FZR1: variants seen among roughly 807,000 people sequenced by gnomAD.
The protein encoded by FZR1 is fizzy-related protein homolog.
Under a neutral mutation model 63.6 loss-of-function variants are expected in FZR1, and 11 were observed. That is an observed-to-expected ratio of 0.17 (90% CI 0.11 to 0.29). FZR1 has a LOEUF of 0.29. FZR1 is among the 10% of genes least tolerant of loss of function. The pLI, the probability that FZR1 is intolerant of heterozygous loss-of-function variation, is 1.00. For synonymous variants in FZR1, 328 were observed against 297.9 expected (o/e 1.10, Z -1.04); for missense variants, 440 against 687.5 (o/e 0.64, Z 4.03).
intron 1 of FZR1, among the ~76,000 whole-genome samples, chr19:3,507,212 A>G (rs1008667389): frequency 2.8e-5 from 3 of 109,010 alleles, no homozygotes; most frequent in Non-Finnish European, 5.3e-5. Flanking sequence ...CCAAAGCCTC[A>G]GACGAGCTAT....
At chr19:3,517,733 G>C (rs1231192764) in intron 1 of FZR1, among the ~76,000 whole-genome samples, 1 of 151,778 alleles carries the variant, frequency 6.6e-6, no homozygotes, top group Non-Finnish European at 1.5e-5. Flanking sequence ...AAAACTCCAG[G>C]GCGCTCCTGT....
intron 2 of FZR1, among the ~76,000 whole-genome samples, chr19:3,524,332 G>A (rs2083131688): frequency 6.6e-6 from 1 of 152,226 alleles, no homozygotes; most frequent in Non-Finnish European, 1.5e-5. Context: ...GCCAGGCCGG[G>A]GTGTGAACGG....
chr19:3,535,044 G>A lies in FZR1; in HGVS notation c.*208G>A, dbSNP rs534612487. ...GTATCTGGGGTGGGCACGTGGTCGG[G>A]GACCCTCAGCAGCAGGGGCTCTGTC... On this transcript the variant is annotated 3_prime_UTR_variant, in exon 14 of 14. Transcript: ENST00000441788. The A allele has an allele frequency of 2.3e-4, 136 of 595,476 alleles. No individual in the cohort carries two copies. Among genetic ancestry groups the A allele is most frequent in the Non-Finnish European group, 3.7e-4 (124 of 333,440 alleles). 36.9% of individuals were successfully genotyped at this position (595,476 alleles called of 1,614,324 possible). A position where few individuals can be genotyped will look rare whatever the true frequency, so the allele number is the denominator to read the frequency against.
intron 13 of FZR1, 63 bp from the exon 14 acceptor site, chr19:3,534,732 C>G: frequency 1.3e-6 from 2 of 1,485,600 alleles, no homozygotes; most frequent in Non-Finnish European, 1.9e-6. Flanking sequence ...CTTGGGGACC[C>G]TCCAGGCAGC....
At chr19:3,529,755 G>GGT (rs1568238093) in intron 7 of FZR1, among the ~76,000 whole-genome samples, 7 of 138,102 alleles carry the variant, frequency 5.1e-5, no homozygotes, top group African/African-American at 1.9e-4. Flanking sequence ...TGAGCGCATG[G>GGT]GAGCGCATGG....
chr19:3,530,884 C>T, intron 8 of FZR1, 27 bp downstream of exon 8: 12 of 1,572,942 alleles, frequency 7.6e-6, no homozygotes, highest in Non-Finnish European at 1.0e-5. Context: ...TGGCCCCCAC[C>T]TGGGAGATCT....
In FZR1 at chr19:3,516,634, T is replaced by C. The variant is rs2083060891; in HGVS notation, c.-34-6322T>C. 6.6e-6 allele frequency among the ~76,000 whole-genome samples: 1 copy of C among 151,986 alleles called. No individual in the cohort carries two copies. Among genetic ancestry groups the C allele is most frequent in the Non-Finnish European group, 1.5e-5 (1 of 67,976 alleles). On this transcript the variant is annotated intron_variant, in intron 1 of 13. Transcript: ENST00000441788. The surrounding 1 kb of genome is among the most constrained non-coding windows in gnomAD (Gnocchi z 6.0). ...GGCCCGGGATACAGGACCCTCCAGA[T>C]CTCGGAGGTGGGAAGACAGTCTGCA... is the stretch of plus-strand genomic sequence containing the variant.
Position 3,532,596 on chromosome 19 carries a change from C to G in FZR1, c.1188C>G (p.Ile396Met). The change falls in exon 11 of 14, where the codon ATC becomes ATG. Residue 396 changes from isoleucine to methionine, a missense_variant. This residue lies in a region of FZR1 where 208 missense variants were observed against 363.6 expected (regional missense o/e 0.57). Transcript: ENST00000441788. ...NTLTGQPLQC[I>M]DTGSQVCNLA... ...TGACAGGACAACCACTGCAGTGTAT[C>G]GACACGGGCTCCCAAGTGTGCAATC... 1.2e-6 allele frequency: 2 copies of G among 1,612,728 alleles called. No homozygotes were observed. Among genetic ancestry groups the G allele is most frequent in the Non-Finnish European group, 1.7e-6 (2 of 1,179,810 alleles).
Position 3,530,815 on chromosome 19 carries a change from A to G in FZR1, c.678A>G (p.Ser226=), listed in dbSNP as rs1285294692. 1 of 1,613,144 alleles carries G rather than the reference A, an allele frequency of 6.2e-7. No individual in the cohort carries two copies. The highest frequency in any genetic ancestry group is 1.7e-5 in the Admixed American group (1 of 59,970). ...TSQVTRLCDL[S]VEGDSVTSVG... is the part of the protein sequence containing the mutation. ...AGGTGACGCGGCTCTGTGACCTCTC[A>G]GTGGAAGGGGACTCAGTGACCTCCG... Residue 226 remains serine, a synonymous_variant, in exon 8 of 14, where the codon TCA becomes TCG. Transcript: ENST00000441788.
rs1230420022 is a variant in FZR1, at chr19:3,531,776, G to A, written c.783G>A (p.Gly261=). Residue 261 remains glycine (G), a synonymous_variant, in exon 9 of 14, where the codon GGG becomes GGA. Transcript: ENST00000441788. ...GFVQIWDAAA[G]KKLSMLEGHT... is the part of the protein sequence containing the mutation. ...TGCAGATCTGGGACGCAGCCGCAGG[G>A]AAGAAGCTGTCCATGTTGGAGGGCC... The A allele has an allele frequency of 8.4e-6, 13 of 1,550,162 alleles. No individual in the cohort carries two copies. The East Asian group carries it at 2.4e-4, about 29-fold the overall frequency.
chr19:3,532,381 T>C (rs1305248327), intron 10 of FZR1, 36 bp from the exon 11 acceptor site: 4 of 1,521,904 alleles, frequency 2.6e-6, no homozygotes, highest in South Asian at 2.3e-5. Context: ...ACCACAGGGC[T>C]GGGACAGCCC....
Position 3,527,623 on chromosome 19 carries a change from C to T in FZR1, c.471-8C>T, listed in dbSNP as rs769024613. 6.2e-6 allele frequency: 10 copies of T among 1,600,190 alleles called. No homozygotes were observed. The highest frequency in any genetic ancestry group is 1.3e-5 in the African/African-American group (1 of 74,792). On this transcript the variant is annotated splice_polypyrimidine_tract_variant and splice_region_variant and intron_variant, in intron 6 of 13. Coordinates refer to ENST00000441788, the MANE Select transcript of FZR1 (RefSeq NM_016263.4). ...TGGCTCACGGATGCCACGTGGCCGC[C>T]TCTGCAGCCAGAAGCTGCTCCGGTC...
chr19:3,532,167 G>A lies in FZR1; in HGVS notation c.1008+72G>A, dbSNP rs2083254503. 5 of 1,388,542 alleles carry A rather than the reference G, an allele frequency of 3.6e-6. No homozygotes were observed. In the East Asian group the frequency reaches 1.3e-4, roughly 35 times the overall value. 86.0% of individuals were successfully genotyped at this position (1,388,542 alleles called of 1,614,324 possible). A position where few individuals can be genotyped will look rare whatever the true frequency, so the allele number is the denominator to read the frequency against. On this transcript the variant is annotated intron_variant, in intron 10 of 13. Transcript: ENST00000441788. ...CCCTCACACTGGCAGGAACGGAAGA[G>A]CCTGGGCTGGGGCGGGCGCGGGCGC...
rs964701912 is a variant in FZR1 at position 3,516,572 on chromosome 19, G to C, written c.-34-6384G>C. 6.6e-6 allele frequency among the ~76,000 whole-genome samples: 1 copy of C among 152,268 alleles called. No individual in the cohort carries two copies. The highest frequency in any genetic ancestry group is 6.5e-5 in the Admixed American group (1 of 15,296). Reference sequence around the variant, plus strand: ...TGAGCTGAGCACCGCTAGCAGCACCGGGCAAGTGTCCAGGTGAGGTGCCCC... The same window carrying C: ...TGAGCTGAGCACCGCTAGCAGCACCCGGCAAGTGTCCAGGTGAGGTGCCCC... On this transcript the variant is annotated intron_variant, in intron 1 of 13. Coordinates refer to ENST00000441788, the MANE Select transcript of FZR1 (RefSeq NM_016263.4). The surrounding 1 kb of genome is among the most constrained non-coding windows in gnomAD (Gnocchi z 6.0).
rs1177277342 is a variant in FZR1, at chr19:3,533,742, CTG to C, written c.1347+346_1347+347del. 3.8e-6 allele frequency: 1 copy of C among 262,766 alleles called. No individual in the cohort carries two copies. The highest frequency in any genetic ancestry group is 2.2e-5 in the African/African-American group (1 of 44,704). 16.3% of individuals were successfully genotyped at this position (262,766 alleles called of 1,614,324 possible). Reference sequence around the variant, plus strand: ...ACCCTGTGAACGTCCTACACAGTAACTGTATGCACGTGGCTGGATGGGGGCCA... The same window carrying C: ...ACCCTGTGAACGTCCTACACAGTAACTATGCACGTGGCTGGATGGGGGCCA... On this transcript the variant is annotated intron_variant, in intron 12 of 13. Coordinates refer to ENST00000441788, the MANE Select transcript of FZR1 (RefSeq NM_016263.4). This position sits in a 1 kb window ranked among gnomAD's most constrained non-coding sequence, Gnocchi z 4.9.
rs749947384 is a variant in FZR1 at position 3,534,955 on chromosome 19, G to A, written c.*119G>A. The stretch of plus-strand genomic sequence containing the variant: ...CCCCGAGGAAGGCGGCTGGGCGGGC[G>A]GGGAGCTGGGCCTGGAGGATCCTGG... On this transcript the variant is annotated 3_prime_UTR_variant, in exon 14 of 14. Coordinates refer to ENST00000441788, the MANE Select transcript of FZR1 (RefSeq NM_016263.4). The A allele has an allele frequency of 8.8e-6, 7 of 798,390 alleles. No individual in the cohort carries two copies. The highest frequency in any genetic ancestry group is 2.8e-5 in the South Asian group (2 of 70,946). 49.5% of individuals were successfully genotyped at this position (798,390 alleles called of 1,614,324 possible). A position where few individuals can be genotyped will look rare whatever the true frequency, so the allele number is the denominator to read the frequency against.
intron 7 of FZR1, among the ~76,000 whole-genome samples, chr19:3,530,392 G>T (rs1210362078): frequency 2.9e-5 from 4 of 136,940 alleles, no homozygotes; most frequent in African/African-American, 1.1e-4. Flanking sequence ...GAGCAGATGG[G>T]TGAGCGGATG....
At chr19:3,513,541 G>A (rs776756505) in intron 1 of FZR1, among the ~76,000 whole-genome samples, 2 of 152,150 alleles carry the variant, frequency 1.3e-5, no homozygotes, top group African/African-American at 2.4e-5. Flanking sequence ...ATGCAATGGC[G>A]CCTGCCCACC....
chr19:3,535,187 G>GA lies in FZR1; in HGVS notation c.*351_*352insA. On this transcript the variant is annotated 3_prime_UTR_variant, in exon 14 of 14. Coordinates refer to ENST00000441788, the MANE Select transcript of FZR1 (RefSeq NM_016263.4). ...TCCGTCTGTTCATCACCTGCCCACC[G>GA]GAGCCGCATGCTCTTCCTGGAACTG... is the stretch of plus-strand genomic sequence containing the variant. The GA allele has an allele frequency of 5.6e-6, 2 of 355,740 alleles. No homozygotes were observed. Among genetic ancestry groups the GA allele is most frequent in the East Asian group, 7.0e-5 (1 of 14,188 alleles). 22.0% of individuals were successfully genotyped at this position (355,740 alleles called of 1,614,324 possible).
Sources: allele counts gnomAD v4.1 joint callset (sites outside exome capture counted in the v4.1 genomes callset), GRCh38; gene constraint gnomAD v4.1.1; regional missense constraint gnomAD v4.1.1; non-coding constraint Gnocchi (gnomAD v3.1); transcripts MANE v1.5; gene names NCBI Gene and HGNC (gene_info 2026-07-23, HGNC 2026-07-21).